SPON1: variants seen among roughly 807,000 people sequenced by gnomAD.
SPON1 encodes the protein spondin-1.
SPON1 carries 52 observed loss-of-function variants against 111.7 expected under a neutral mutation model. The observed-to-expected ratio is 0.47, with a 90% CI of 0.37 to 0.59. SPON1 has a LOEUF of 0.59. SPON1 is among the 20% of genes least tolerant of loss of function. The pLI is 0.00. For synonymous variants in SPON1, 410 were observed against 395.8 expected, an observed-to-expected ratio of 1.04 and a Z score of -0.43; for missense variants, 957 against 1,068.5, an observed-to-expected ratio of 0.90 and a Z score of 1.46.
At chr11:14,141,901 C>A (rs1847661300) in intron 6 of SPON1, among the ~76,000 whole-genome samples, 1 of 152,074 alleles carries the variant, frequency 6.6e-6, no homozygotes, top group South Asian at 2.1e-4. Flanking sequence ...ACACACACAC[C>A]CCACCAGCTT....
chr11:14,264,421 A>C (rs1554942228), intron 15 of SPON1, among the ~76,000 whole-genome samples: 1 of 152,250 alleles, frequency 6.6e-6, no homozygotes, highest in East Asian at 1.9e-4. Context: ...CAGAAGAAAA[A>C]GAAAATGCCT....
At chr11:14,013,718 G>A (rs1472485928) in intron 2 of SPON1, among the ~76,000 whole-genome samples, 1 of 152,132 alleles carries the variant, frequency 6.6e-6, no homozygotes, top group Non-Finnish European at 1.5e-5. Flanking sequence ...TGGCTCACTA[G>A]ATTTACTGAG....
chr11:13,983,327 G>A (rs1308691917), intron 2 of SPON1, among the ~76,000 whole-genome samples: 6 of 152,218 alleles, frequency 3.9e-5, no homozygotes, highest in Admixed American at 3.3e-4. Flanking sequence ...GCTCGGGACC[G>A]CCAGGCTGGA....
chr11:14,043,473 T>C (rs1357437102), intron 3 of SPON1, among the ~76,000 whole-genome samples: 1 of 152,188 alleles, frequency 6.6e-6, no homozygotes, highest in African/African-American at 2.4e-5. Flanking sequence ...GCCCAGAGAC[T>C]AGGGGTCAGA....
At chr11:14,191,698 G>A (rs1398343865) in intron 6 of SPON1, among the ~76,000 whole-genome samples, 1 of 152,140 alleles carries the variant, frequency 6.6e-6, no homozygotes, top group East Asian at 1.9e-4. Context: ...AACAGCCTGT[G>A]CATATTTTTA....
At chr11:14,249,065 A>C (rs1849024908) in intron 7 of SPON1, among the ~76,000 whole-genome samples, 1 of 152,246 alleles carries the variant, frequency 6.6e-6, no homozygotes, top group South Asian at 2.1e-4. Flanking sequence ...AATGCTAAGA[A>C]TTACTGGGAC....
At chr11:14,164,227 C>T (rs1187049781) in intron 6 of SPON1, among the ~76,000 whole-genome samples, 1 of 152,138 alleles carries the variant, frequency 6.6e-6, no homozygotes, top group Non-Finnish European at 1.5e-5. Flanking sequence ...GGCAGAAACT[C>T]ACGGGAAGTC....
rs537224313 is a variant in SPON1, at chr11:14,127,817, A to G, written c.677-7603A>G. 1.1e-3 allele frequency among the ~76,000 whole-genome samples: 169 copies of G among 152,356 alleles called. 1 individual carries two copies. Among genetic ancestry groups the G allele is most frequent in the African/African-American group, 3.3e-3 (138 of 41,578 alleles). On this transcript the variant is annotated intron_variant, in intron 5 of 15. Coordinates refer to ENST00000576479, the MANE Select transcript of SPON1 (RefSeq NM_006108.4). Reference sequence around the variant, plus strand: ...AGGTGTAATTGACTCACAGTTCCGCATGGCTGGGGAGGCCTCAGGAAACTT... The same window carrying G: ...AGGTGTAATTGACTCACAGTTCCGCGTGGCTGGGGAGGCCTCAGGAAACTT...
intron 8 of SPON1, 22 bp from the exon 9 acceptor site, chr11:14,255,623 CTA>C: frequency 1.2e-6 from 2 of 1,611,156 alleles, no homozygotes; most frequent in Non-Finnish European, 1.7e-6. Context: ...TTCTTACTCT[CTA>C]CCTCTGTATG....
intron 6 of SPON1, among the ~76,000 whole-genome samples, chr11:14,233,199 T>A (rs1848822443): frequency 6.6e-6 from 1 of 152,182 alleles, no homozygotes; most frequent in African/African-American, 2.4e-5. Flanking sequence ...TTTGGAGTCA[T>A]CCTTGACCCC....
At chr11:14,048,026 G>A (rs1045480566) in intron 3 of SPON1, among the ~76,000 whole-genome samples, 4 of 152,132 alleles carry the variant, frequency 2.6e-5, no homozygotes, top group Non-Finnish European at 5.9e-5. Flanking sequence ...GATCACCTGA[G>A]GTCAGGAGTT....
chr11:14,073,945 G>A (rs2133829249), intron 3 of SPON1, among the ~76,000 whole-genome samples: 1 of 152,240 alleles, frequency 6.6e-6, no homozygotes. Context: ...AGGAATGTGG[G>A]GCCTGGGATA....
intron 1 of SPON1, among the ~76,000 whole-genome samples, chr11:13,973,612 C>T (rs1373276539): frequency 3.3e-5 from 5 of 152,152 alleles, no homozygotes; most frequent in Non-Finnish European, 5.9e-5. Flanking sequence ...GACAAATCCA[C>T]GAGATGATAA....
intron 3 of SPON1, among the ~76,000 whole-genome samples, chr11:14,065,199 C>T (rs192204613): frequency 3.6e-4 from 55 of 152,256 alleles, no homozygotes; most frequent in African/African-American, 1.3e-3. Context: ...GCAGGTGGCC[C>T]GCCCTCAAGG....
chr11:14,130,822 A>C (rs1312768619), intron 5 of SPON1, among the ~76,000 whole-genome samples: 1 of 151,392 alleles, frequency 6.6e-6, no homozygotes, highest in Non-Finnish European at 1.5e-5. Flanking sequence ...ACCTAATTAT[A>C]TATTATTTTC....
intron 5 of SPON1, among the ~76,000 whole-genome samples, chr11:14,131,457 G>A (rs1241553003): frequency 6.6e-6 from 1 of 152,066 alleles, no homozygotes; most frequent in South Asian, 2.1e-4. Flanking sequence ...CCAGTCCTGC[G>A]CCCGGCAAAC....
At chr11:14,000,123 G>A (rs782194148) in intron 2 of SPON1, among the ~76,000 whole-genome samples, 34 of 152,052 alleles carry the variant, frequency 2.2e-4, no homozygotes, top group Non-Finnish European at 2.2e-4. Context: ...ATCCGCCATG[G>A]TTGATCACTG....
chr11:14,056,808 G>A (rs973281931), intron 3 of SPON1, among the ~76,000 whole-genome samples: 2 of 152,084 alleles, frequency 1.3e-5, no homozygotes, highest in Admixed American at 6.6e-5. Context: ...GGAGAATGGT[G>A]TGAACCTGGG....
At chr11:13,977,005 G>T (rs1848108434) in intron 1 of SPON1, among the ~76,000 whole-genome samples, 1 of 152,210 alleles carries the variant, frequency 6.6e-6, no homozygotes, top group African/African-American at 2.4e-5. Flanking sequence ...ACGTTTGTGA[G>T]ATTTATCCAT....
Sources: gnomAD v4.1 joint callset for allele counts (sites outside exome capture counted in the v4.1 genomes callset) on GRCh38, gnomAD v4.1.1 for gene constraint, MANE v1.5 for transcripts, NCBI Gene and HGNC (gene_info 2026-07-23, HGNC 2026-07-21) for gene names.